Variants in CHST9 observed in about 807,000 individuals in gnomAD.
The protein encoded by CHST9 is GalNAc-4-sulfotransferase 2.
In CHST9, 41 loss-of-function variants were observed where a neutral mutation model predicts 44.4. That is an observed-to-expected ratio of 0.92 (90% CI 0.72 to 1.20). The LOEUF is 1.20. CHST9 is among the 50% of genes most tolerant of loss of function. CHST9 has a pLI of 0.00. For synonymous variants in CHST9, 171 were observed against 178.4 expected (o/e 0.96, Z 0.33); for missense variants, 504 against 516.5 (o/e 0.98, Z 0.23).
chr18:26,917,563 G>C (rs544087545), intron 5 of CHST9, among the ~76,000 whole-genome samples: 4 of 152,252 alleles, frequency 2.6e-5, no homozygotes, highest in African/African-American at 7.2e-5. Flanking sequence ...CTACAGGATA[G>C]GGAGGAAAGA....
intron 2 of CHST9, among the ~76,000 whole-genome samples, chr18:27,101,928 T>A (rs2058176447): frequency 6.6e-6 from 1 of 152,226 alleles, no homozygotes; most frequent in Non-Finnish European, 1.5e-5. Context: ...TCCTTCATAA[T>A]CACCTATTAA....
At chr18:27,142,992 G>A in intron 1 of CHST9, 87 bp from the exon 2 acceptor site, 1 of 501,508 alleles carries the variant, frequency 2.0e-6, no homozygotes, top group South Asian at 3.3e-5. Flanking sequence ...TCTCAACAAG[G>A]CTGAAGACTT....
At chr18:26,965,539 G>A (rs2056453451) in intron 4 of CHST9, among the ~76,000 whole-genome samples, 1 of 152,192 alleles carries the variant, frequency 6.6e-6, no homozygotes, top group Non-Finnish European at 1.5e-5. Context: ...TCAAGTCTGA[G>A]CGCTACCACC....
chr18:27,059,911 T>C lies in CHST9; in HGVS notation c.122-11408A>G, dbSNP rs1301770552. Among the ~76,000 whole-genome samples, 5 of 152,342 alleles carry C rather than the reference T, an allele frequency of 3.3e-5. No homozygotes were observed. The South Asian group carries it at 8.3e-4, about 25-fold the overall frequency. Reference sequence around the variant, plus strand: ...TTTCATGGATAGAAGGAAGAAAACATGAAAAGTATGTTTAGATCAGTGGAT... The same window carrying C: ...TTTCATGGATAGAAGGAAGAAAACACGAAAAGTATGTTTAGATCAGTGGAT... On this transcript the variant is annotated intron_variant, in intron 2 of 5. Transcript: ENST00000618847.
At chr18:27,037,262 T>A (rs148225918) in intron 3 of CHST9, among the ~76,000 whole-genome samples, 103 of 152,286 alleles carry the variant, frequency 6.8e-4, no homozygotes, top group African/African-American at 2.3e-3. Context: ...AGAAAAGAAA[T>A]CTTCCTTTGA....
chr18:27,032,074 G>C (rs781097738), intron 3 of CHST9, among the ~76,000 whole-genome samples: 1 of 151,748 alleles, frequency 6.6e-6, no homozygotes, highest in South Asian at 2.1e-4. Flanking sequence ...CTTGGTGGTC[G>C]GGCCATAGAG....
At chr18:27,050,389 C>G (rs2057551718) in intron 2 of CHST9, among the ~76,000 whole-genome samples, 3 of 152,160 alleles carry the variant, frequency 2.0e-5, no homozygotes, top group Non-Finnish European at 4.4e-5. Context: ...TGAAGACCAT[C>G]CTTCCAGCTG....
At chr18:27,180,382 T>C (rs1361090806) in intron 1 of CHST9, among the ~76,000 whole-genome samples, 1 of 152,144 alleles carries the variant, frequency 6.6e-6, no homozygotes, top group Non-Finnish European at 1.5e-5. Context: ...AAATGACTTT[T>C]GAGGATAATA....
chr18:26,940,979 G>T (rs192133872), intron 5 of CHST9, among the ~76,000 whole-genome samples: 365 of 152,318 alleles, frequency 2.4e-3, no homozygotes, highest in Middle Eastern at 3.4e-3. Context: ...GTCAAGGATT[G>T]CTGGCAAGCA....
At chr18:27,103,239 A>G (rs1567916305) in intron 2 of CHST9, among the ~76,000 whole-genome samples, 1 of 152,236 alleles carries the variant, frequency 6.6e-6, no homozygotes, top group Non-Finnish European at 1.5e-5. Context: ...TAGTAGAATC[A>G]GAATCAACAC....
rs558226798 is a variant in CHST9, at chr18:27,033,833, T to C, written c.161-9676A>G. Among the ~76,000 whole-genome samples, 42 of 152,318 alleles carry C rather than the reference T, an allele frequency of 2.8e-4. No individual in the cohort carries two copies. The South Asian group carries it at 8.5e-3, about 31-fold the overall frequency. ...AGCACCAAAACAGAGCCTATCTAAA[T>C]ATGAAGTCCTCCTCTTCCCTTCCAA... On this transcript the variant is annotated intron_variant, in intron 3 of 5. Coordinates refer to ENST00000618847, the MANE Select transcript of CHST9 (RefSeq NM_031422.6).
At chr18:26,938,170 C>G (rs2056027026) in intron 5 of CHST9, among the ~76,000 whole-genome samples, 1 of 152,078 alleles carries the variant, frequency 6.6e-6, no homozygotes, top group African/African-American at 2.4e-5. Flanking sequence ...AGATACCTTT[C>G]CACAGGTACC....
chr18:26,923,707 C>CT (rs1272325471), intron 5 of CHST9, among the ~76,000 whole-genome samples: 1 of 152,050 alleles, frequency 6.6e-6, no homozygotes, highest in Non-Finnish European at 1.5e-5. Context: ...ATTTGTGGCC[C>CT]TTCAAGGAAA....
At chr18:27,120,058 G>T (rs1168106990) in intron 2 of CHST9, among the ~76,000 whole-genome samples, 1 of 152,130 alleles carries the variant, frequency 6.6e-6, no homozygotes, top group Non-Finnish European at 1.5e-5. Context: ...AGGGGGAAAG[G>T]CCCCATCAAG....
chr18:27,122,524 C>T (rs1053604819), intron 2 of CHST9, among the ~76,000 whole-genome samples: 5 of 152,158 alleles, frequency 3.3e-5, no homozygotes, highest in African/African-American at 1.2e-4. Context: ...ACGCTAGTTT[C>T]AGTTAAGACT....
chr18:27,024,053 C>T lies in CHST9; in HGVS notation c.202+63G>A, dbSNP rs2057255542. On this transcript the variant is annotated intron_variant, in intron 4 of 5. Transcript: ENST00000618847. Reference sequence around the variant, plus strand: ...CCACACTCTGAGGTTTTCAGATATTCTAGTTGTTGCTCTGCTTATCTATAA... The same window carrying T: ...CCACACTCTGAGGTTTTCAGATATTTTAGTTGTTGCTCTGCTTATCTATAA... 5.5e-6 allele frequency: 8 copies of T among 1,459,264 alleles called. 1 individual carries two copies. The Middle Eastern group carries it at 1.0e-3, about 190-fold the overall frequency. 90.4% of individuals were successfully genotyped at this position (1,459,264 alleles called of 1,614,324 possible).
intron 3 of CHST9, among the ~76,000 whole-genome samples, chr18:27,037,000 C>T (rs776843992): frequency 6.6e-6 from 1 of 152,096 alleles, no homozygotes; most frequent in Non-Finnish European, 1.5e-5. Context: ...CTCCTTACAC[C>T]ACTGCTGGGA....
intron 5 of CHST9, among the ~76,000 whole-genome samples, chr18:26,942,850 C>T (rs1468638280): frequency 6.6e-6 from 1 of 152,200 alleles, no homozygotes; most frequent in East Asian, 1.9e-4. Flanking sequence ...TGGCTCATAG[C>T]TGTAATCCCA....
At chr18:27,019,700 A>G (rs2057199203) in intron 4 of CHST9, among the ~76,000 whole-genome samples, 1 of 151,612 alleles carries the variant, frequency 6.6e-6, no homozygotes, top group Admixed American at 6.6e-5. Flanking sequence ...AAAAAAAAAA[A>G]AAAAAAAAAA....
Sources: allele counts gnomAD v4.1 joint callset (sites outside exome capture counted in the v4.1 genomes callset), GRCh38; gene constraint gnomAD v4.1.1; transcripts MANE v1.5; gene names NCBI Gene and HGNC (gene_info 2026-07-23, HGNC 2026-07-21).